Variants in ADGRG4 observed in about 807,000 individuals in gnomAD.
ADGRG4 encodes the protein adhesion G protein-coupled receptor G4.
In ADGRG4, 122 loss-of-function variants were observed where a neutral mutation model predicts 126.2. The observed-to-expected ratio is 0.97, with a 90% CI of 0.83 to 1.12. The LOEUF is 1.12. ADGRG4 is among the 50% of genes most tolerant of loss of function. The pLI is 0.00. For missense variants in ADGRG4, 2,481 were observed against 2,251.8 expected, an observed-to-expected ratio of 1.10 and a Z score of -2.06; for synonymous variants, 943 against 838.7, an observed-to-expected ratio of 1.12 and a Z score of -2.15.
chrX:136,335,349 T>G (rs1328281311), intron 5 of ADGRG4, among the ~76,000 whole-genome samples: 1 of 110,188 alleles, frequency 9.1e-6, no homozygotes, highest in Non-Finnish European at 1.9e-5. Flanking sequence ...CTTTCTTTTT[T>G]TTTTTTTACT....
intron 15 of ADGRG4, among the ~76,000 whole-genome samples, chrX:136,375,930 T>G (rs966908836): frequency 2.0e-4 from 23 of 112,457 alleles, no homozygotes; most frequent in African/African-American, 7.1e-4. Context: ...GCATTTGCTT[T>G]TGGGGTCTTA....
intron 19 of ADGRG4, among the ~76,000 whole-genome samples, chrX:136,395,739 T>C (rs1365143989): frequency 8.9e-6 from 1 of 111,936 alleles, no homozygotes; most frequent in Non-Finnish European, 1.9e-5. Flanking sequence ...TCCCAAGTGA[T>C]CACCACCTTT....
At chrX:136,399,719 A>C in intron 20 of ADGRG4, 129 bp from the exon 21 acceptor site, 1 of 538,757 alleles carries the variant, frequency 1.9e-6, no homozygotes, top group East Asian at 3.6e-5. Flanking sequence ...AGAATGAGGG[A>C]CTTCAAAGTA....
chrX:136,404,758 A>G (rs2148499582), intron 22 of ADGRG4, among the ~76,000 whole-genome samples: 1 of 112,146 alleles, frequency 8.9e-6, no homozygotes, highest in Non-Finnish European at 1.9e-5. Context: ...TCTTTTAAGG[A>G]TGCTGATGAC....
chrX:136,342,465 CA>C (rs759874245), intron 5 of ADGRG4, among the ~76,000 whole-genome samples: 66 of 111,597 alleles, frequency 5.9e-4, no homozygotes, highest in Non-Finnish European at 1.0e-3. Context: ...CACATGCAAA[CA>C]AAGGTAAATC....
chrX:136,349,955 C>T lies in ADGRG4; in HGVS notation c.6249C>T (p.Gly2083=), dbSNP rs775256744. The T allele has an allele frequency of 4.1e-6, 5 of 1,207,980 alleles. No individual in the cohort carries two copies. In the African/African-American group the frequency reaches 5.3e-5, roughly 13 times the overall value. Reference sequence around the variant, plus strand: ...CTACACTGGGTGGTATCACTACTGGCTTCCCAACTTCTCTCCCTATGTCTA... The same window carrying T: ...CTACACTGGGTGGTATCACTACTGGTTTCCCAACTTCTCTCCCTATGTCTA... ...PTPTLGGITT[G]FPTSLPMSIN... Residue 2083 remains glycine (G), a synonymous_variant, in exon 6 of 26, where the codon GGC becomes GGT. Coordinates refer to ENST00000394143, the MANE Select transcript of ADGRG4 (RefSeq NM_153834.4).
At chrX:136,410,142 G>T (rs377027556) in intron 23 of ADGRG4, among the ~76,000 whole-genome samples, 1 of 112,244 alleles carries the variant, frequency 8.9e-6, no homozygotes, top group African/African-American at 3.2e-5. Context: ...GGTTCTAACC[G>T]GGCAACTGTA....
At chrX:136,312,023 C>T (rs961521234) in intron 4 of ADGRG4, among the ~76,000 whole-genome samples, 5 of 110,641 alleles carry the variant, frequency 4.5e-5, no homozygotes, top group East Asian at 2.8e-4. Flanking sequence ...ACTAATTCCA[C>T]GAGAAAAGAG....
chrX:136,385,719 C>T (rs1749237233), intron 15 of ADGRG4, among the ~76,000 whole-genome samples: 1 of 112,037 alleles, frequency 8.9e-6, no homozygotes, highest in Non-Finnish European at 1.9e-5. Flanking sequence ...AGATTCTACT[C>T]TATTCTTTTG....
chrX:136,348,761 T>C lies in ADGRG4; in HGVS notation c.5055T>C (p.Thr1685=), dbSNP rs758951408. 10 of 1,206,725 alleles carry C rather than the reference T, an allele frequency of 8.3e-6. No individual in the cohort carries two copies. The African/African-American group carries it at 1.6e-4, about 19-fold the overall frequency. The change falls in exon 6 of 26, where the codon ACT becomes ACC. Residue 1685 remains threonine, a synonymous_variant. Coordinates refer to ENST00000394143, the MANE Select transcript of ADGRG4 (RefSeq NM_153834.4). ...TCTCTCCACTCAGTTCTAAGAGCAC[T>C]GGAGCTATTTCCTCCATTCCAAAGA... ...TAFSPLSSKS[T]GAISSIPKTT...
At position 136,344,469 on chromosome X, in the gene ADGRG4, A is replaced by C. The variant is rs1452303283; in HGVS notation, c.763A>C (p.Ile255Leu). The C allele has an allele frequency of 8.4e-7, 1 of 1,192,768 alleles. No homozygotes were observed. The change falls in exon 6 of 26, where the codon ATT (isoleucine) becomes CTT (leucine). Residue 255 changes from isoleucine to leucine, a missense_variant. Transcript: ENST00000394143. ...GATAGATATGACCACTCCATCCCAA[A>C]TTACTGGAGTAAAACCACAAAATAC... ...QQIDMTTPSQ[I>L]TGVKPQNTAH...
chrX:136,389,957 G>A (rs765008861), intron 16 of ADGRG4, among the ~76,000 whole-genome samples: 2 of 112,347 alleles, frequency 1.8e-5, no homozygotes, highest in African/African-American at 3.2e-5. Flanking sequence ...GAATCCCCGA[G>A]TATCACAGCC....
chrX:136,315,834 C>T (rs765070458), intron 4 of ADGRG4, among the ~76,000 whole-genome samples: 1 of 111,857 alleles, frequency 8.9e-6, no homozygotes, highest in African/African-American at 3.2e-5. Flanking sequence ...AGGGAGATCA[C>T]CATCTAAAGA....
At chrX:136,393,675 T>G (rs1450248224) in intron 18 of ADGRG4, 95 bp downstream of exon 18, 1 of 596,418 alleles carries the variant, frequency 1.7e-6, no homozygotes, top group Non-Finnish European at 2.8e-6. Context: ...TACTGTCTTA[T>G]CAGACCCTAC....
At chrX:136,318,969 G>A (rs2074822033) in intron 4 of ADGRG4, among the ~76,000 whole-genome samples, 1 of 112,590 alleles carries the variant, frequency 8.9e-6, no homozygotes, top group Non-Finnish European at 1.9e-5. Context: ...ACACAGAGGA[G>A]CCAAATCAAG....
chrX:136,395,776 G>A (rs1490548003), intron 19 of ADGRG4, among the ~76,000 whole-genome samples: 1 of 111,563 alleles, frequency 9.0e-6, no homozygotes, highest in East Asian at 2.8e-4. Context: ...TATTCATTTA[G>A]GTTCTTTTCC....
chrX:136,412,821 G>A (rs1351558303), intron 24 of ADGRG4, among the ~76,000 whole-genome samples: 1 of 112,001 alleles, frequency 8.9e-6, no homozygotes, highest in Non-Finnish European at 1.9e-5. Flanking sequence ...GATGGCCCAC[G>A]AACTGGGGGA....
chrX:136,334,124 CTTTCTTTCTTTCTTTT>C (rs2074934342), intron 5 of ADGRG4, among the ~76,000 whole-genome samples: 1 of 39,668 alleles, frequency 2.5e-5, no homozygotes, highest in Non-Finnish European at 4.9e-5. Flanking sequence ...TTCTTTCTTT[CTTTCTTTCTTTCTTTT>C]TCTTTTTCTT....
Position 136,399,867 on chromosome X carries a change from C to T in ADGRG4, c.8326C>T (p.Pro2776Ser), listed in dbSNP as rs1454821196. Reference sequence around the variant, plus strand: ...TTTTAGCAAACTTCGAAAAGATTATCCTGCCAAAATTCTGATCAACCTGTG... The same window carrying T: ...TTTTAGCAAACTTCGAAAAGATTATTCTGCCAAAATTCTGATCAACCTGTG... Reference protein sequence around the residue: ...IAFHKLRKDYPAKILINLCTA... With the variant: ...IAFHKLRKDYSAKILINLCTA... Residue 2776 changes from proline to serine, a missense_variant, in exon 21 of 26, where the codon CCT becomes TCT. Pro to Ser is a moderately conservative substitution (Grantham distance 74). Transcript: ENST00000394143. 9 of 1,203,705 alleles carry T rather than the reference C, an allele frequency of 7.5e-6. No homozygotes were observed. Among genetic ancestry groups the T allele is most frequent in the Admixed American group, 4.4e-5 (2 of 45,676 alleles).
Sources: gnomAD v4.1 joint callset for allele counts (sites outside exome capture counted in the v4.1 genomes callset) on GRCh38, gnomAD v4.1.1 for gene constraint, MANE v1.5 for transcripts, NCBI Gene and HGNC (gene_info 2026-07-23, HGNC 2026-07-21) for gene names.